MTUS2: variants seen among roughly 807,000 people sequenced by gnomAD.
MTUS2 encodes microtubule associated scaffold protein 2, also known as microtubule-associated tumor suppressor candidate 2.
A neutral mutation model predicts 114.1 loss-of-function variants in MTUS2; 40 were observed. That is an observed-to-expected ratio of 0.35 (90% CI 0.27 to 0.46). The LOEUF (loss-of-function observed/expected upper bound fraction) is 0.46, where lower values mean the gene tolerates loss of function less well. Ranked by LOEUF, MTUS2 falls within the 20% of genes least tolerant of loss-of-function variation. The pLI, the probability that MTUS2 is intolerant of heterozygous loss-of-function variation, is 1.00. For synonymous variants in MTUS2, 688 were observed against 672.0 expected, an observed-to-expected ratio of 1.02 and a Z score of -0.37; for missense variants, 1,679 against 1,705.4, an observed-to-expected ratio of 0.98 and a Z score of 0.27.
intron 5 of MTUS2, among the ~76,000 whole-genome samples, chr13:29,192,322 A>G (rs1894481196): frequency 6.6e-6 from 1 of 152,212 alleles, no homozygotes; most frequent in South Asian, 2.1e-4. Context: ...AATGTTCTCA[A>G]TCATATGTGG....
intron 2 of MTUS2, among the ~76,000 whole-genome samples, chr13:28,953,326 T>A (rs1882903278): frequency 6.6e-6 from 1 of 152,036 alleles, no homozygotes; most frequent in Non-Finnish European, 1.5e-5. Context: ...CCGGCCAACA[T>A]GGTAAAACCC....
At chr13:29,079,678 C>A (rs1889355819) in intron 4 of MTUS2, among the ~76,000 whole-genome samples, 1 of 152,128 alleles carries the variant, frequency 6.6e-6, no homozygotes, top group Admixed American at 6.5e-5. Context: ...ATGGTCTTGG[C>A]AACCTTGATG....
chr13:29,325,550 G>C (rs1055850073), intron 7 of MTUS2, among the ~76,000 whole-genome samples: 1 of 39,280 alleles, frequency 2.5e-5, no homozygotes, highest in African/African-American at 5.2e-5. Context: ...AAAGAAGAAG[G>C]AAGAAGAGGA....
At chr13:29,242,594 A>G (rs897397299) in intron 5 of MTUS2, 3 of 155,416 alleles carry the variant, frequency 1.9e-5, no homozygotes, top group African/African-American at 7.2e-5. Flanking sequence ...CACCCTGGCT[A>G]CAGCATAACT....
intron 7 of MTUS2, among the ~76,000 whole-genome samples, chr13:29,325,680 A>G (rs932191063): frequency 3.2e-4 from 49 of 152,152 alleles, no homozygotes; most frequent in African/African-American, 1.1e-3. Context: ...AAGCCCAAAA[A>G]TGGTGGCCAT....
chr13:28,897,614 G>GT (rs1879357853), intron 2 of MTUS2, among the ~76,000 whole-genome samples: 1 of 152,134 alleles, frequency 6.6e-6, no homozygotes. Context: ...TATGTTTACT[G>GT]TGGCACTATT....
chr13:29,312,119 T>C (rs1398693081), intron 6 of MTUS2, among the ~76,000 whole-genome samples: 1 of 152,170 alleles, frequency 6.6e-6, no homozygotes, highest in Non-Finnish European at 1.5e-5. Context: ...ATGTCTCAGC[T>C]CAAACATAAC....
At chr13:28,916,376 A>T (rs892463886) in intron 2 of MTUS2, among the ~76,000 whole-genome samples, 2 of 151,942 alleles carry the variant, frequency 1.3e-5, no homozygotes, top group Non-Finnish European at 1.5e-5. Flanking sequence ...GAATCTGTAG[A>T]TTGCTTTGGG....
chr13:29,039,418 C>T (rs1391533128), intron 4 of MTUS2, among the ~76,000 whole-genome samples: 1 of 152,206 alleles, frequency 6.6e-6, no homozygotes, highest in Non-Finnish European at 1.5e-5. Flanking sequence ...GCCATAGGGT[C>T]CCGCAAGGGC....
chr13:29,316,197 G>C (rs1040147319), intron 6 of MTUS2, among the ~76,000 whole-genome samples: 1 of 152,314 alleles, frequency 6.6e-6, no homozygotes, highest in East Asian at 1.9e-4. Flanking sequence ...ATGTTCTAGT[G>C]GGGTATTTGA....
At chr13:29,470,053 C>T (rs1880163601) in intron 9 of MTUS2, among the ~76,000 whole-genome samples, 1 of 151,958 alleles carries the variant, frequency 6.6e-6, no homozygotes, top group African/African-American at 2.4e-5. Flanking sequence ...CTCCTAATGC[C>T]CAAAATGCCC....
intron 5 of MTUS2, among the ~76,000 whole-genome samples, chr13:29,205,157 A>T (rs1895130766): frequency 6.6e-6 from 1 of 152,232 alleles, no homozygotes; most frequent in East Asian, 1.9e-4. Context: ...ATAAACTTGG[A>T]TGCTCTTTCA....
At chr13:29,336,456 G>A (rs1655775576) in intron 7 of MTUS2, among the ~76,000 whole-genome samples, 2 of 152,198 alleles carry the variant, frequency 1.3e-5, no homozygotes, top group South Asian at 2.1e-4. Flanking sequence ...GCTTGCCTGG[G>A]TATCACGAGC....
chr13:29,324,731 T>G lies in MTUS2; in HGVS notation c.2905+20T>G, dbSNP rs754113100. On this transcript the variant is annotated intron_variant, in intron 7 of 15. Coordinates refer to ENST00000612955, the MANE Select transcript of MTUS2 (RefSeq NM_001033602.4). Reference sequence around the variant, plus strand: ...CACCAGGTATGTAAGAAATATGATGTGTTCCTTGGGGGAATGACTTGAACT... The same window carrying G: ...CACCAGGTATGTAAGAAATATGATGGGTTCCTTGGGGGAATGACTTGAACT... 5 of 1,563,564 alleles carry G rather than the reference T, an allele frequency of 3.2e-6. No individual in the cohort carries two copies. The highest frequency in any genetic ancestry group is 4.4e-6 in the Non-Finnish European group (5 of 1,146,262).
At chr13:29,227,296 T>G (rs895045532) in intron 5 of MTUS2, among the ~76,000 whole-genome samples, 8 of 150,664 alleles carry the variant, frequency 5.3e-5, no homozygotes, top group African/African-American at 2.0e-4. Flanking sequence ...TAGAGGCAGC[T>G]TCATCCTCAA....
At chr13:29,392,930 G>A (rs1315879155) in intron 8 of MTUS2, among the ~76,000 whole-genome samples, 2 of 152,180 alleles carry the variant, frequency 1.3e-5, no homozygotes, top group Non-Finnish European at 2.9e-5. Flanking sequence ...AAACCGATAA[G>A]TGGCATCTAT....
chr13:29,492,583 A>G, intron 11 of MTUS2, 63 bp from the exon 12 acceptor site: 2 of 1,384,276 alleles, frequency 1.4e-6, no homozygotes, highest in South Asian at 1.2e-5. Flanking sequence ...GTCTGCCAAA[A>G]GAGCCTTGTT....
intron 9 of MTUS2, among the ~76,000 whole-genome samples, chr13:29,457,919 T>A (rs1024625218): frequency 3.1e-4 from 47 of 152,314 alleles, no homozygotes; most frequent in Middle Eastern, 6.8e-3. Context: ...CACTTTTTTT[T>A]AAATGTAGAT....
At chr13:28,827,341 A>G (rs922021271) in intron 1 of MTUS2, among the ~76,000 whole-genome samples, 53 of 152,108 alleles carry the variant, frequency 3.5e-4, no homozygotes, top group African/African-American at 1.3e-3. Context: ...ACTGGCAGGT[A>G]GTAATTAGTT....
Sources: gnomAD v4.1 joint callset for allele counts (sites outside exome capture counted in the v4.1 genomes callset) on GRCh38, gnomAD v4.1.1 for gene constraint, MANE v1.5 for transcripts, NCBI Gene and HGNC (gene_info 2026-07-23, HGNC 2026-07-21) for gene names.